Variants in CLN5 observed in about 807,000 individuals in gnomAD.
The protein encoded by CLN5 is bis(monoacylglycero)phosphate synthase CLN5.
In CLN5, 34 loss-of-function variants were observed where a neutral mutation model predicts 36.7. The observed-to-expected ratio is 0.93, with a 90% confidence interval of 0.71 to 1.23. The LOEUF (loss-of-function observed/expected upper bound fraction) is 1.23, where lower values mean the gene tolerates loss of function less well. Ranked by LOEUF, CLN5 falls within the 50% of genes most tolerant of loss-of-function variation. The pLI, the probability that CLN5 is intolerant of heterozygous loss-of-function variation, is 0.00. For synonymous variants in CLN5, 151 were observed against 155.1 expected (o/e 0.97, Z 0.20); for missense variants, 427 against 439.4 (o/e 0.97, Z 0.25).
intron 3 of CLN5, chr13:76,997,365 C>CA (rs1162953460): frequency 2.6e-5 from 4 of 152,186 alleles, no homozygotes; most frequent in Non-Finnish European, 5.9e-5. Flanking sequence ...CAGCTGGTCT[C>CA]AAACTCCTGA....
At position 77,004,147 on chromosome 13, in the gene CLN5, T is replaced by A. The variant is rs1303138097; in HGVS notation, c.*3178T>A. The A allele has an allele frequency of 1.3e-5, 2 of 152,154 alleles. No homozygotes were observed. The highest frequency in any genetic ancestry group is 4.8e-5 in the African/African-American group (2 of 41,418). 9.4% of individuals were successfully genotyped at this position (152,154 alleles called of 1,614,324 possible). On this transcript the variant is annotated 3_prime_UTR_variant, in exon 4 of 4. Coordinates refer to ENST00000377453, the MANE Select transcript of CLN5 (RefSeq NM_006493.4). ...ATTTGGAACCCTCAATATTGGTGGC[T>A]CCTTAAAAATTGGAGAAAAAAATCA...
chr13:76,999,128 A>G (rs2034315741), intron 3 of CLN5: 1 of 152,246 alleles, frequency 6.6e-6, no homozygotes, highest in Admixed American at 6.5e-5. Context: ...GAATGCTAAG[A>G]ACAGTATCCC....
In CLN5 at chr13:76,992,111, G is replaced by A. The variant is rs1064795659; in HGVS notation, c.13G>A (p.Val5Ile). ...TGGGTGCAGCCTGATGGCGCAGGAG[G>A]TAGACACGGCACAGGGCGCCGAGAT... MAQEVDTAQGAEMRR... is the reference protein window; with the variant it reads MAQEIDTAQGAEMRR... Residue 5 changes from valine to isoleucine, a missense_variant, in exon 1 of 4, where the codon GTA becomes ATA. Coordinates refer to ENST00000377453, the MANE Select transcript of CLN5 (RefSeq NM_006493.4). 8 of 1,611,804 alleles carry A rather than the reference G, an allele frequency of 5.0e-6. No individual in the cohort carries two copies. Among genetic ancestry groups the A allele is most frequent in the Non-Finnish European group, 6.8e-6 (8 of 1,179,366 alleles).
At chr13:76,995,670 C>G (rs1025500403) in intron 2 of CLN5, 8 of 588,688 alleles carry the variant, frequency 1.4e-5, no homozygotes, top group African/African-American at 1.1e-4. Flanking sequence ...ACATAACATG[C>G]AGGCCTCCTA....
chr13:77,000,720 T>G lies in CLN5; in HGVS notation c.828T>G (p.Phe276Leu). The change falls in exon 4 of 4, where the codon TTT (phenylalanine) becomes TTG (leucine). Residue 276 changes from phenylalanine to leucine, a missense_variant. By Grantham distance (22) the Phe-to-Leu change is conservative (BLOSUM62 0). Coordinates refer to ENST00000377453, the MANE Select transcript of CLN5 (RefSeq NM_006493.4). ...ATCTGGGAAATGAAACATCTGTTTT[T>G]GGGCCAACAGGAAACAAGACTCTTG... ...PTYLGNETSV[F>L]GPTGNKTLGL... The G allele has an allele frequency of 6.2e-7, 1 of 1,614,172 alleles. No homozygotes were observed. The highest frequency in any genetic ancestry group is 8.5e-7 in the Non-Finnish European group (1 of 1,180,000).
At position 76,992,458 on chromosome 13, in the gene CLN5, C is replaced by T. The variant is rs570051753; in HGVS notation, c.173+187C>T. ...TGAGGACTGGGGAGTCGCAGCCGCT[C>T]GTTACGTGCAGCCCTGGGACCTTTC... On this transcript the variant is annotated intron_variant, in intron 1 of 3. Coordinates refer to ENST00000377453, the MANE Select transcript of CLN5 (RefSeq NM_006493.4). The T allele has an allele frequency of 2.3e-4, 152 of 651,538 alleles. 4 individuals are homozygous for T. The East Asian group carries it at 4.3e-3, about 19-fold the overall frequency. 40.4% of individuals were successfully genotyped at this position (651,538 alleles called of 1,614,324 possible). A position where few individuals can be genotyped will look rare whatever the true frequency, so the allele number is the denominator to read the frequency against.
intron 2 of CLN5, 86 bp from the exon 3 acceptor site, chr13:76,995,816 G>T (rs1165446229): frequency 2.1e-6 from 2 of 937,194 alleles, no homozygotes; most frequent in African/African-American, 3.2e-5. Flanking sequence ...ATATGCATTT[G>T]TGATGTGCCA....
rs121908292 is a variant in CLN5, at chr13:77,000,799, G to T, written c.907G>T (p.Glu303Ter). 1.9e-6 allele frequency: 3 copies of T among 1,612,292 alleles called. No homozygotes were observed. Among genetic ancestry groups the T allele is most frequent in the Non-Finnish European group, 2.5e-6 (3 of 1,179,432 alleles). Residue 303 changes from glutamate (E) to a stop codon, truncating the protein, a stop_gained, in exon 4 of 4, where the codon GAA becomes TAA. Transcript: ENST00000377453. LOFTEE classifies it high-confidence loss of function. The part of the protein sequence containing the change: ...YPFKPHLPTK[E>*]FLLSLLQIFD... Reference sequence around the variant, plus strand: ...CTTCAAACCACATTTGCCAACTAAAGAATTTCTGTTGAGTCTCTTGCAAAT... The same window carrying T: ...CTTCAAACCACATTTGCCAACTAAATAATTTCTGTTGAGTCTCTTGCAAAT...
rs1169045451 is a variant in CLN5 at position 76,992,143 on chromosome 13, G to C, written c.45G>C (p.Arg15=). 2 of 1,607,206 alleles carry C rather than the reference G, an allele frequency of 1.2e-6. No homozygotes were observed. The highest frequency in any genetic ancestry group is 1.7e-6 in the Non-Finnish European group (2 of 1,177,742). The stretch of plus-strand genomic sequence containing the variant: ...CGGCACAGGGCGCCGAGATGCGGCG[G>C]GGCGCGGGCGCGGCTCGGGGACGCG... ...VDTAQGAEMR[R]GAGAARGRAS... Residue 15 remains arginine, a synonymous_variant, in exon 1 of 4, where the codon CGG becomes CGC. Transcript: ENST00000377453.
chr13:76,992,392 A>C, intron 1 of CLN5, 121 bp downstream of exon 1: 1 of 1,182,496 alleles, frequency 8.5e-7, no homozygotes, highest in Non-Finnish European at 1.2e-6. Flanking sequence ...TGGTGCGGGG[A>C]CAGCGCCGGG....
rs1057518562 is a variant in CLN5, at chr13:77,000,623, A to G, written c.731A>G (p.Glu244Gly). 5.0e-6 allele frequency: 8 copies of G among 1,614,168 alleles called. No homozygotes were observed. The highest frequency in any genetic ancestry group is 6.8e-6 in the Non-Finnish European group (8 of 1,180,024). ...TTAAGGACCTTTAACAAGTTGGCTG[A>G]ATTTGGAGCAGAGTTCAAGAACATA... is the stretch of plus-strand genomic sequence containing the variant. The part of the protein sequence containing the change: ...FVLRTFNKLA[E>G]FGAEFKNIET... Residue 244 changes from glutamate (E) to glycine (G), a missense_variant, in exon 4 of 4, where the codon GAA becomes GGA. Physicochemically the swap from Glu to Gly is moderately conservative, Grantham distance 98. Coordinates refer to ENST00000377453, the MANE Select transcript of CLN5 (RefSeq NM_006493.4).
intron 3 of CLN5, 26 bp downstream of exon 3, chr13:76,996,153 T>C (rs1348339938): frequency 6.5e-7 from 1 of 1,547,234 alleles, no homozygotes; most frequent in Non-Finnish European, 8.9e-7. Flanking sequence ...ATAGCAATAT[T>C]TGATCATTGC....
rs908753658 is a variant in CLN5, at chr13:77,003,951, A to G, written c.*2982A>G. On this transcript the variant is annotated 3_prime_UTR_variant, in exon 4 of 4. Coordinates refer to ENST00000377453, the MANE Select transcript of CLN5 (RefSeq NM_006493.4). ...ACAGAGTGAGACTCCGTCTCAAAAA[A>G]ATGTTGTAGATGTATAAAATTTATA... is the stretch of plus-strand genomic sequence containing the variant. 1 of 152,210 alleles carries G rather than the reference A, an allele frequency of 6.6e-6. No individual in the cohort carries two copies. 9.4% of individuals were successfully genotyped at this position (152,210 alleles called of 1,614,324 possible).
At chr13:76,995,747 C>T (rs2034253822) in intron 2 of CLN5, 155 bp from the exon 3 acceptor site, 1 of 702,212 alleles carries the variant, frequency 1.4e-6, no homozygotes. Flanking sequence ...GAGTTTGGGG[C>T]CACAGAGTGG....
intron 3 of CLN5, chr13:76,997,222 C>T (rs182255482): frequency 6.6e-6 from 1 of 152,108 alleles, no homozygotes; most frequent in East Asian, 1.9e-4. Flanking sequence ...TCTCAGCTTG[C>T]TGCAACCTCC....
chr13:77,005,037 T>C lies in CLN5; in HGVS notation c.*4068T>C, dbSNP rs2034426664. On this transcript the variant is annotated 3_prime_UTR_variant, in exon 4 of 4. Transcript: ENST00000377453. ...AACCTATTATTTTCTGTATAAAAAT[T>C]TAAAAATTTATATTTCATGGTAGGT... 1 of 152,148 alleles carries C rather than the reference T, an allele frequency of 6.6e-6. No individual in the cohort carries two copies. Among genetic ancestry groups the C allele is most frequent in the Admixed American group, 6.5e-5 (1 of 15,274 alleles). The allele number at this position is 152,148 out of a possible 1,614,324, so 9.4% of individuals were successfully genotyped here.
chr13:77,000,810 GA>G lies in CLN5; in HGVS notation c.919del (p.Ser307ValfsTer9). 6.2e-7 allele frequency: 1 copy of G among 1,610,708 alleles called. No homozygotes were observed. Among genetic ancestry groups the G allele is most frequent in the South Asian group, 1.1e-5 (1 of 90,228 alleles). Reference protein sequence around the residue: ...PHLPTKEFLLSLLQIFDAVIV... With the variant: ...PHLPTKEFLLXLLQIFDAVIV... ...ATTTGCCAACTAAAGAATTTCTGTT[GA>G]GTCTCTTGCAAATTTTTGATGCAGT... On this transcript the variant is annotated frameshift_variant, in exon 4 of 4. Coordinates refer to ENST00000377453, the MANE Select transcript of CLN5 (RefSeq NM_006493.4). LOFTEE classifies it high-confidence loss of function.
intron 2 of CLN5, 85 bp downstream of exon 2, chr13:76,995,313 G>A (rs2034246963): frequency 8.3e-7 from 1 of 1,206,366 alleles, no homozygotes; most frequent in East Asian, 2.3e-5. Flanking sequence ...TCACTATTTA[G>A]ATGGCTGACT....
At position 77,002,189 on chromosome 13, in the gene CLN5, A is replaced by G. The variant is rs920476476; in HGVS notation, c.*1220A>G. 3.3e-5 allele frequency: 5 copies of G among 152,240 alleles called. No individual in the cohort carries two copies. Among genetic ancestry groups the G allele is most frequent in the Non-Finnish European group, 7.3e-5 (5 of 68,038 alleles). The allele number at this position is 152,240 out of a possible 1,614,324, so 9.4% of individuals were successfully genotyped here. ...CTTCCTGAGAGGTTAGTACATTATTATTGAGCTCTCACAGAAAGCTTAATC... is the reference window on the plus strand; with the variant it reads ...CTTCCTGAGAGGTTAGTACATTATTGTTGAGCTCTCACAGAAAGCTTAATC... On this transcript the variant is annotated 3_prime_UTR_variant, in exon 4 of 4. Transcript: ENST00000377453.
Sources: allele counts gnomAD v4.1 joint callset, GRCh38; gene constraint gnomAD v4.1.1; transcripts MANE v1.5; gene names NCBI Gene and HGNC (gene_info 2026-07-23, HGNC 2026-07-21).